HSF2BP: variants seen among roughly 807,000 people sequenced by gnomAD.
The protein encoded by HSF2BP is heat shock transcription factor 2 binding protein, also known as heat shock factor 2-binding protein.
HSF2BP carries 35 observed loss-of-function variants against 35.0 expected under a neutral mutation model. The ratio of observed to expected loss-of-function variants is 1.00; its 90% CI spans 0.76 to 1.32. The LOEUF (loss-of-function observed/expected upper bound fraction) is 1.32. Among genes scored for constraint, HSF2BP ranks in the 40% most tolerant of loss-of-function variants. The pLI is 0.00. For synonymous variants in HSF2BP, 114 were observed against 117.4 expected (o/e 0.97, Z 0.18); for missense variants, 326 against 321.7 (o/e 1.01, Z -0.10).
chr21:43,652,601 G>A (rs900652283), intron 3 of HSF2BP, among the ~76,000 whole-genome samples: 3 of 152,166 alleles, frequency 2.0e-5, no homozygotes, highest in Non-Finnish European at 4.4e-5. Flanking sequence ...TAGGAAGACA[G>A]GCTCGTGGGA....
At chr21:43,583,775 AG>A (rs1363125417) in intron 8 of HSF2BP, among the ~76,000 whole-genome samples, 19 of 125,124 alleles carry the variant, frequency 1.5e-4, no homozygotes, top group South Asian at 2.9e-4. Context: ...AGGGAGATGA[AG>A]GGCCTGCTGA....
At chr21:43,576,707 A>G (rs1299276319) in intron 8 of HSF2BP, among the ~76,000 whole-genome samples, 1 of 152,226 alleles carries the variant, frequency 6.6e-6, no homozygotes, top group Admixed American at 6.5e-5. Context: ...AAATTTGTCT[A>G]AAGGTCTTAA....
intron 3 of HSF2BP, among the ~76,000 whole-genome samples, chr21:43,655,826 C>T (rs942824412): frequency 1.3e-5 from 2 of 152,106 alleles, no homozygotes; most frequent in African/African-American, 4.8e-5. Flanking sequence ...TGTGGCTGGC[C>T]CACTGACCAG....
Position 43,578,262 on chromosome 21 carries a change from CAG to C in HSF2BP, c.796+13961_796+13962del, listed in dbSNP as rs569748770. ...AACCCTGTCTCACATTAGGATCCTT[CAG>C]AGAGACTTACAAATCCTGATGCCTG... On this transcript the variant is annotated intron_variant, in intron 8 of 8. Transcript: ENST00000291560. Among the ~76,000 whole-genome samples the C allele has an allele frequency of 3.3e-5, 5 of 152,270 alleles. No individual in the cohort carries two copies. The South Asian group carries it at 1.0e-3, about 32-fold the overall frequency.
rs2082439696 is a variant in HSF2BP, at chr21:43,630,360, T to C, written c.536A>G (p.Glu179Gly). 6.2e-7 allele frequency: 1 copy of C among 1,613,014 alleles called. No individual in the cohort carries two copies. Among genetic ancestry groups the C allele is most frequent in the Non-Finnish European group, 8.5e-7 (1 of 1,179,714 alleles). ...AGCCAGAGCGAAAACAAACTGACTT[T>C]CATCCGAATCCAGCTCCTGGACATC... is the stretch of plus-strand genomic sequence containing the variant. ...DGDVQELDSD[E>G]SQFVFALAGI... Residue 179 changes from glutamate (E) to glycine (G), a missense_variant, in exon 6 of 9, where the codon GAA becomes GGA. Transcript: ENST00000291560.
At chr21:43,592,790 T>C (rs1221765268) in intron 7 of HSF2BP, among the ~76,000 whole-genome samples, 1 of 152,120 alleles carries the variant, frequency 6.6e-6, no homozygotes, top group African/African-American at 2.4e-5. Flanking sequence ...ATAATCACAG[T>C]ACAAGGAATG....
chr21:43,632,897 A>G (rs535714235), intron 5 of HSF2BP, among the ~76,000 whole-genome samples: 1 of 150,092 alleles, frequency 6.7e-6, no homozygotes, highest in Admixed American at 6.6e-5. Context: ...GTGTGTATGT[A>G]TAAACACACA....
chr21:43,599,377 G>A (rs755058295), intron 7 of HSF2BP, among the ~76,000 whole-genome samples: 1 of 152,156 alleles, frequency 6.6e-6, no homozygotes, highest in Non-Finnish European at 1.5e-5. Context: ...TTATGCAAAT[G>A]TTTCGTCTAA....
chr21:43,618,952 G>GAA (rs942239775), intron 6 of HSF2BP, among the ~76,000 whole-genome samples: 113 of 126,886 alleles, frequency 8.9e-4, no homozygotes, highest in Admixed American at 1.6e-3. Flanking sequence ...CTCAAAAAAA[G>GAA]AAAAAAAAAA....
chr21:43,595,039 C>T (rs937514272), intron 7 of HSF2BP, among the ~76,000 whole-genome samples: 1 of 152,096 alleles, frequency 6.6e-6, no homozygotes, highest in African/African-American at 2.4e-5. Context: ...GGTGGGCAAA[C>T]TGCTTGAGGC....
At chr21:43,573,556 A>C (rs369730208) in intron 8 of HSF2BP, among the ~76,000 whole-genome samples, 5 of 152,066 alleles carry the variant, frequency 3.3e-5, no homozygotes, top group Admixed American at 3.3e-4. Context: ...AGACCAAAAC[A>C]CCTTCGTTCA....
At chr21:43,637,524 C>G (rs2147050001) in intron 4 of HSF2BP, among the ~76,000 whole-genome samples, 1 of 152,042 alleles carries the variant, frequency 6.6e-6, no homozygotes, top group South Asian at 2.1e-4. Flanking sequence ...AATTCTCAGT[C>G]AGGCCCAGTG....
intron 4 of HSF2BP, among the ~76,000 whole-genome samples, chr21:43,637,807 G>GAAAA (rs58493445): frequency 6.9e-6 from 1 of 144,558 alleles, no homozygotes; most frequent in Non-Finnish European, 1.5e-5. Context: ...CCTGTCTCTG[G>GAAAA]AAAAAAAAAA....
At chr21:43,574,450 C>T (rs143446460) in intron 8 of HSF2BP, among the ~76,000 whole-genome samples, 4,994 of 152,078 alleles carry the variant, frequency 0.033, 283 homozygotes, top group African/African-American at 0.11. Flanking sequence ...CTCCACCTCC[C>T]GGGTTCACAC....
intron 4 of HSF2BP, among the ~76,000 whole-genome samples, chr21:43,635,996 G>A (rs1045010696): frequency 3.4e-5 from 5 of 145,504 alleles, no homozygotes; most frequent in East Asian, 4.0e-4. Flanking sequence ...GGGAGGCTGA[G>A]ACGGGAGGAT....
rs558109454 is a variant in HSF2BP, at chr21:43,580,334, C to A, written c.796+11891G>T. On this transcript the variant is annotated intron_variant, in intron 8 of 8. Transcript: ENST00000291560. ...TTAATTGTATCCTGACCAGACTACA[C>A]TAAAGTTTCTATTGCGCTCAGCTTG... Among the ~76,000 whole-genome samples the A allele has an allele frequency of 3.5e-4, 53 of 152,320 alleles. 1 individual carries two copies. In the South Asian group the frequency reaches 0.01, roughly 29 times the overall value.
chr21:43,572,311 G>C (rs2081587672), intron 8 of HSF2BP, among the ~76,000 whole-genome samples: 1 of 152,208 alleles, frequency 6.6e-6, no homozygotes, highest in African/African-American at 2.4e-5. Context: ...ACTTGGGCTT[G>C]AGTTAGATAC....
chr21:43,597,426 A>C lies in HSF2BP; in HGVS notation c.693-5098T>G, dbSNP rs1037996726. 1.9e-4 allele frequency among the ~76,000 whole-genome samples: 29 copies of C among 152,212 alleles called. No homozygotes were observed. Among genetic ancestry groups the C allele is most frequent in the African/African-American group, 7.0e-4 (29 of 41,456 alleles). ...CTTGCTTTGGGTGTAAATTTAAGGG[A>C]GTATCAAAATGCCCAGTGGCCCATA... On this transcript the variant is annotated intron_variant, in intron 7 of 8. Coordinates refer to ENST00000291560, the MANE Select transcript of HSF2BP (RefSeq NM_007031.2). This position sits in a 1 kb window ranked among gnomAD's most constrained non-coding sequence, Gnocchi z 4.3.
intron 3 of HSF2BP, among the ~76,000 whole-genome samples, chr21:43,653,240 A>AAGGGGAGGGG (rs1214675171): frequency 9.3e-6 from 1 of 107,178 alleles, no homozygotes; most frequent in Non-Finnish European, 1.9e-5. Context: ...AGGGGAAGGG[A>AAGGGGAGGGG]AGGGGAGGGG....
Sources: allele counts gnomAD v4.1 joint callset (sites outside exome capture counted in the v4.1 genomes callset), GRCh38; gene constraint gnomAD v4.1.1; non-coding constraint Gnocchi (gnomAD v3.1); transcripts MANE v1.5; gene names NCBI Gene and HGNC (gene_info 2026-07-23, HGNC 2026-07-21).